NPIPB15: variants seen among roughly 807,000 people sequenced by gnomAD.
The protein encoded by NPIPB15 is nuclear pore complex-interacting protein family member B15.
In NPIPB15, 5 loss-of-function variants were observed where a neutral mutation model predicts 35.9. The ratio of observed to expected loss-of-function variants is 0.14; its 90% CI spans 0.07 to 0.29. NPIPB15 has a LOEUF of 0.29. NPIPB15 is among the 10% of genes least tolerant of loss of function. The probability of loss-of-function intolerance (pLI) is 1.00; values close to 1 mark genes in which losing one functional copy is unlikely to be tolerated. For synonymous variants in NPIPB15, 43 were observed against 182.0 expected, an observed-to-expected ratio of 0.24 and a Z score of 6.15; for missense variants, 100 against 506.1, an observed-to-expected ratio of 0.20 and a Z score of 7.70.
At chr16:74,379,915 T>C (rs1394353906) in intron 2 of NPIPB15, among the ~76,000 whole-genome samples, 1 of 151,678 alleles carries the variant, frequency 6.6e-6, no homozygotes, top group Non-Finnish European at 1.5e-5. Flanking sequence ...AGCACTAAAA[T>C]TTGATACTTA....
intron 5 of NPIPB15, among the ~76,000 whole-genome samples, chr16:74,389,424 G>A (rs531289747): frequency 1.3e-5 from 2 of 149,984 alleles, no homozygotes; most frequent in East Asian, 2.0e-4. Context: ...CCAGGCTGGA[G>A]TGCAATGACG....
Position 74,391,316 on chromosome 16 carries a change from C to A in NPIPB15, c.643-75C>A, listed in dbSNP as rs1322475913. 344 of 1,564,722 alleles carry A rather than the reference C, an allele frequency of 2.2e-4. No homozygotes were observed. The East Asian group carries it at 7.6e-3, about 35-fold the overall frequency. ...AATCTATCACCAGCAACAGAAGGTG[C>A]AGACTGTGTTGGTGGCGGTAATTTT... On this transcript the variant is annotated intron_variant, in intron 7 of 7. Transcript: ENST00000692376.
At chr16:74,379,257 C>A (rs1197955203) in intron 2 of NPIPB15, among the ~76,000 whole-genome samples, 85 of 152,278 alleles carry the variant, frequency 5.6e-4, no homozygotes, top group Non-Finnish European at 7.9e-4. Flanking sequence ...TTCTGCTCAA[C>A]ACCATGTTTC....
chr16:74,389,431 G>T (rs1384714221), intron 5 of NPIPB15, among the ~76,000 whole-genome samples: 1 of 149,742 alleles, frequency 6.7e-6, no homozygotes, highest in Non-Finnish European at 1.5e-5. Flanking sequence ...GGAGTGCAAT[G>T]ACGTGATCTT....
chr16:74,385,001 G>GTGTGTGTC (rs1226194962), intron 3 of NPIPB15, among the ~76,000 whole-genome samples: 360 of 35,882 alleles, frequency 0.01, 4 homozygotes, highest in Admixed American at 0.024. Flanking sequence ...TTGTGTGTGT[G>GTGTGTGTC]TGTGTGTGTG....
At chr16:74,384,991 TTGTG>T (rs199888896) in intron 3 of NPIPB15, among the ~76,000 whole-genome samples, 16,849 of 93,308 alleles carry the variant, frequency 0.18, 722 homozygotes, top group East Asian at 0.24. Context: ...CATGTCATTC[TTGTG>T]TGTGTGTGTG....
At chr16:74,382,905 GCTTTTT>G (rs1362718056) in intron 3 of NPIPB15, among the ~76,000 whole-genome samples, 2 of 133,030 alleles carry the variant, frequency 1.5e-5, no homozygotes, top group African/African-American at 5.4e-5. Context: ...ATTGGAGGAA[GCTTTTT>G]TTTTTTTTTT....
rs1482537939 is a variant in NPIPB15 at position 74,391,762 on chromosome 16, T to G, written c.1014T>G (p.Asp338Glu). The change falls in exon 8 of 8, where the codon GAT (aspartate) becomes GAG (glutamate). Residue 338 changes from aspartate (D) to glutamate (E), a missense_variant. Asp to Glu is a conservative substitution (Grantham distance 45). Coordinates refer to ENST00000692376, the MANE Select transcript of NPIPB15 (RefSeq NM_001306094.2). ...CTCCTCTTCCACCCTCAGTGGATGA[T>G]AATCTCAAGACTCCTCCCTTAGCTA... The part of the protein sequence containing the change: ...PPSPLPPSVD[D>E]NLKTPPLATQ... 1 of 1,613,882 alleles carries G rather than the reference T, an allele frequency of 6.2e-7. No homozygotes were observed. Among genetic ancestry groups the G allele is most frequent in the Non-Finnish European group, 8.5e-7 (1 of 1,179,880 alleles).
rs759876927 is a variant in NPIPB15 at position 74,391,723 on chromosome 16, C to A, written c.975C>A (p.Val325=). 6.2e-7 allele frequency: 1 copy of A among 1,602,468 alleles called. No individual in the cohort carries two copies. The highest frequency in any genetic ancestry group is 8.5e-7 in the Non-Finnish European group (1 of 1,175,870). The part of the protein sequence containing the change: ...VDDNLKDCLF[V]PLPPSPLPPS... ...ATAATCTGAAGGACTGTCTCTTTGT[C>A]CCTCTTCCACCCTCTCCTCTTCCAC... Residue 325 remains valine (V), a synonymous_variant, in exon 8 of 8, where the codon GTC becomes GTA. Transcript: ENST00000692376.
chr16:74,380,219 C>T (rs2011910449), intron 2 of NPIPB15, among the ~76,000 whole-genome samples: 1 of 151,882 alleles, frequency 6.6e-6, no homozygotes, highest in Non-Finnish European at 1.5e-5. Context: ...ACCAGCCTGG[C>T]CAAGATGGTG....
rs1198029737 is a variant in NPIPB15 at position 74,388,358 on chromosome 16, C to T, written c.546-1467C>T. The T allele has an allele frequency of 5.1e-5, 46 of 907,370 alleles. 8 individuals are homozygous for T. The highest frequency in any genetic ancestry group is 2.0e-4 in the South Asian group (4 of 19,736). The allele number at this position is 907,370 out of a possible 1,614,324, so 56.2% of individuals were successfully genotyped here. On this transcript the variant is annotated intron_variant, in intron 5 of 7. Coordinates refer to ENST00000692376, the MANE Select transcript of NPIPB15 (RefSeq NM_001306094.2). ...GTGAGGTCTGGTTTTTCACACTGAACTAAAATGATCTTTCGCTGTGTCAAA... is the reference window on the plus strand; with the variant it reads ...GTGAGGTCTGGTTTTTCACACTGAATTAAAATGATCTTTCGCTGTGTCAAA...
intron 2 of NPIPB15, among the ~76,000 whole-genome samples, chr16:74,378,630 T>A (rs2011811949): frequency 6.7e-6 from 1 of 149,576 alleles, no homozygotes; most frequent in Non-Finnish European, 1.5e-5. Context: ...GCCAGGATAG[T>A]CTCCATCTCT....
chr16:74,384,668 ATTTTTTTTTTTTTT>A (rs1186582416), intron 3 of NPIPB15, among the ~76,000 whole-genome samples: 2 of 61,552 alleles, frequency 3.2e-5, no homozygotes, highest in Admixed American at 2.7e-4. Flanking sequence ...CACCTGGCCT[ATTTTTTTTTTTTTT>A]TTTTTTTTTT....
intron 5 of NPIPB15, among the ~76,000 whole-genome samples, chr16:74,389,496 C>T (rs2012437842): frequency 6.9e-6 from 1 of 145,426 alleles, no homozygotes; most frequent in African/African-American, 2.5e-5. Context: ...CCTCAGCCTC[C>T]CGAGTAGCTG....
intron 5 of NPIPB15, among the ~76,000 whole-genome samples, 174 bp from the exon 6 acceptor site, chr16:74,389,651 C>T (rs2012446752): frequency 9.9e-6 from 1 of 100,846 alleles, no homozygotes; most frequent in Non-Finnish European, 2.0e-5. Flanking sequence ...GGACTACAGG[C>T]ATCAGCCACC....
chr16:74,388,409 A>G, intron 5 of NPIPB15: 1 of 950,628 alleles, frequency 1.1e-6, no homozygotes, highest in Admixed American at 6.9e-5. Context: ...AGACACACAC[A>G]TAGTGCACCT....
intron 2 of NPIPB15, among the ~76,000 whole-genome samples, chr16:74,379,557 T>C (rs2011867583): frequency 6.6e-6 from 1 of 150,844 alleles, no homozygotes; most frequent in South Asian, 2.1e-4. Context: ...ACACTATTCA[T>C]GCCATTTTCA....
intron 3 of NPIPB15, among the ~76,000 whole-genome samples, chr16:74,384,361 T>C (rs1393518227): frequency 3.4e-4 from 33 of 97,492 alleles, no homozygotes; most frequent in African/African-American, 1.2e-3. Flanking sequence ...GTGTGAAGTA[T>C]ATTCATGTCA....
At position 74,380,874 on chromosome 16, in the gene NPIPB15, G is replaced by A. The variant is rs369811314; in HGVS notation, c.67-642G>A. Among the ~76,000 whole-genome samples the A allele has an allele frequency of 3.0e-3, 461 of 152,252 alleles. 1 individual carries two copies. Among genetic ancestry groups the A allele is most frequent in the Middle Eastern group, 6.8e-3 (2 of 294 alleles). ...AAAACAAAAAAAAATGGCTGGGCAC[G>A]GTGGCTCACACCTGTAATCCCAGTA... On this transcript the variant is annotated intron_variant, in intron 2 of 7. Coordinates refer to ENST00000692376, the MANE Select transcript of NPIPB15 (RefSeq NM_001306094.2).
Sources: allele counts gnomAD v4.1 joint callset (sites outside exome capture counted in the v4.1 genomes callset), GRCh38; gene constraint gnomAD v4.1.1; transcripts MANE v1.5; gene names NCBI Gene and HGNC (gene_info 2026-07-23, HGNC 2026-07-21).